ANTXRL: variants seen among roughly 807,000 people sequenced by gnomAD.
The protein encoded by ANTXRL is anthrax toxin receptor-like.
A neutral mutation model predicts 75.4 loss-of-function variants in ANTXRL; 63 were observed. The observed-to-expected ratio is 0.84, with a 90% confidence interval of 0.68 to 1.03. ANTXRL has a LOEUF of 1.03. ANTXRL is among the 50% of genes least tolerant of loss of function. The probability of loss-of-function intolerance (pLI) is 0.00; values close to 1 mark genes in which losing one functional copy is unlikely to be tolerated. For synonymous variants in ANTXRL, 335 were observed against 291.3 expected (o/e 1.15, Z -1.53); for missense variants, 797 against 789.4 (o/e 1.01, Z -0.12).
At chr10:46,322,650 G>A (rs1839036639) in intron 16 of ANTXRL, among the ~76,000 whole-genome samples, 1 of 152,112 alleles carries the variant, frequency 6.6e-6, no homozygotes, top group Non-Finnish European at 1.5e-5. Flanking sequence ...GTGGGATGCA[G>A]AGCTTTTAAT....
chr10:46,316,230 A>G (rs1179570743), intron 16 of ANTXRL, among the ~76,000 whole-genome samples: 2 of 152,090 alleles, frequency 1.3e-5, no homozygotes, highest in Non-Finnish European at 2.9e-5. Flanking sequence ...CCACAGCAGG[A>G]GGCCCTTTAG....
At chr10:46,318,930 G>A (rs1024500821) in intron 16 of ANTXRL, among the ~76,000 whole-genome samples, 3 of 152,146 alleles carry the variant, frequency 2.0e-5, no homozygotes, top group Non-Finnish European at 2.9e-5. Context: ...AAGGGAAAAC[G>A]ACATAGAGAA....
chr10:46,307,154 A>C (rs1389572587), intron 11 of ANTXRL, among the ~76,000 whole-genome samples: 1 of 151,922 alleles, frequency 6.6e-6, no homozygotes, highest in Non-Finnish European at 1.5e-5. Context: ...AAGCCAACAC[A>C]CTCTGTAAAT....
Position 46,302,952 on chromosome 10 carries a change from C to G in ANTXRL, c.895+132C>G, listed in dbSNP as rs559341234. 1.4e-5 allele frequency: 10 copies of G among 716,000 alleles called. No homozygotes were observed. The Admixed American group carries it at 2.2e-4, about 16-fold the overall frequency. 44.4% of individuals were successfully genotyped at this position (716,000 alleles called of 1,614,324 possible). A position where few individuals can be genotyped will look rare whatever the true frequency, so the allele number is the denominator to read the frequency against. Reference sequence around the variant, plus strand: ...CCTGTGGGGTTAGAGGCCATGAGGACAAGTGGAAGGAGGCACTGGGAAGGC... The same window carrying G: ...CCTGTGGGGTTAGAGGCCATGAGGAGAAGTGGAAGGAGGCACTGGGAAGGC... On this transcript the variant is annotated intron_variant, in intron 10 of 16. Coordinates refer to ENST00000620264, the MANE Select transcript of ANTXRL (RefSeq NM_001278688.3).
intron 9 of ANTXRL, among the ~76,000 whole-genome samples, chr10:46,299,204 A>G (rs1554959854): frequency 6.6e-6 from 1 of 152,032 alleles, no homozygotes; most frequent in Non-Finnish European, 1.5e-5. Flanking sequence ...CGGTTATCTC[A>G]GGGGATGAAG....
Position 46,306,816 on chromosome 10 carries a change from C to G in ANTXRL, c.909C>G (p.Thr303=). The G allele has an allele frequency of 6.5e-7, 1 of 1,527,556 alleles. No individual in the cohort carries two copies. Among genetic ancestry groups the G allele is most frequent in the Non-Finnish European group, 8.7e-7 (1 of 1,143,462 alleles). 94.6% of individuals were successfully genotyped at this position (1,527,556 alleles called of 1,614,324 possible). ...ATTTTCTTTTAGATGAAAAGCCAAC[C>G]AGTATCGACAATAATTCCATGAATT... ...NESTIIDEKP[T]SIDNNSMNCP... Residue 303 remains threonine (T), a synonymous_variant, in exon 11 of 17, where the codon ACC becomes ACG. Coordinates refer to ENST00000620264, the MANE Select transcript of ANTXRL (RefSeq NM_001278688.3).
chr10:46,310,247 G>A lies in ANTXRL; in HGVS notation c.1135-214G>A, dbSNP rs1311526685. 9.9e-5 allele frequency among the ~76,000 whole-genome samples: 15 copies of A among 152,080 alleles called. 1 individual carries two copies. Among genetic ancestry groups the A allele is most frequent in the Non-Finnish European group, 1.6e-4 (11 of 67,986 alleles). ...TGACCCCTAGGAACCCCACAGCGGC[G>A]GTACAGGGGTTCCCCTTTGGTAAGG... is the stretch of plus-strand genomic sequence containing the variant. On this transcript the variant is annotated intron_variant, in intron 13 of 16. Coordinates refer to ENST00000620264, the MANE Select transcript of ANTXRL (RefSeq NM_001278688.3).
At chr10:46,302,143 C>A (rs2132729592) in intron 9 of ANTXRL, among the ~76,000 whole-genome samples, 1 of 152,302 alleles carries the variant, frequency 6.6e-6, no homozygotes, top group Non-Finnish European at 1.5e-5. Flanking sequence ...TTCCCTTGAG[C>A]AGGGTCCTAG....
rs1253811462 is a variant in ANTXRL at position 46,329,767 on chromosome 10, C to T, written c.1579C>T (p.Arg527Cys). Reference sequence around the variant, plus strand: ...GGAGTGCCTCGCCCTCAAACAGGCTCGCTGCAGCCCAAACATCTGCCTGAG... The same window carrying T: ...GGAGTGCCTCGCCCTCAAACAGGCTTGCTGCAGCCCAAACATCTGCCTGAG... Reference protein sequence around the residue: ...SRECLALKQARCSPNICLRHS... With the variant: ...SRECLALKQACCSPNICLRHS... The change falls in exon 17 of 17, where the codon CGC (arginine) becomes TGC (cysteine). Residue 527 changes from arginine (R) to cysteine (C), a missense_variant. Arg to Cys is a radical substitution (Grantham distance 180, BLOSUM62 -3). Coordinates refer to ENST00000620264, the MANE Select transcript of ANTXRL (RefSeq NM_001278688.3). 25 of 1,534,016 alleles carry T rather than the reference C, an allele frequency of 1.6e-5. No homozygotes were observed. The highest frequency in any genetic ancestry group is 9.7e-5 in the African/African-American group (7 of 72,054).
chr10:46,293,275 TGTGAGA>T (rs1323655373), intron 2 of ANTXRL, among the ~76,000 whole-genome samples: 1 of 94,500 alleles, frequency 1.1e-5, no homozygotes, highest in Non-Finnish European at 2.4e-5. Context: ...CCTGTGCGTG[TGTGAGA>T]GTGTGTGCGT....
rs1227283854 is a variant in ANTXRL at position 46,293,877 on chromosome 10, T to G, written c.369T>G (p.Thr123=). The G allele has an allele frequency of 6.5e-7, 1 of 1,535,606 alleles. No individual in the cohort carries two copies. Among genetic ancestry groups the G allele is most frequent in the Non-Finnish European group, 8.7e-7 (1 of 1,146,682 alleles). Residue 123 remains threonine (T), a synonymous_variant, in exon 3 of 17, where the codon ACT becomes ACG. Transcript: ENST00000620264. ...CFITYSTDGQ[T]VLPLTSDKNR... ...TCACCTACTCCACAGACGGCCAGAC[T>G]GTCTTGCCACTCACCTCAGACAAGT...
intron 14 of ANTXRL, 93 bp downstream of exon 14, chr10:46,310,592 C>T: frequency 7.5e-7 from 1 of 1,327,354 alleles, no homozygotes. Context: ...CCATGATCTC[C>T]ATCTGCTTGA....
intron 9 of ANTXRL, 91 bp from the exon 10 acceptor site, chr10:46,302,630 GT>G: frequency 1.1e-6 from 1 of 921,544 alleles, no homozygotes; most frequent in Non-Finnish European, 1.7e-6. Context: ...TGTGAATTCG[GT>G]TTTGGGGGTG....
intron 1 of ANTXRL, among the ~76,000 whole-genome samples, chr10:46,288,986 A>G (rs1836869746): frequency 6.6e-6 from 1 of 152,156 alleles, no homozygotes; most frequent in Admixed American, 6.5e-5. Flanking sequence ...ATGACCCACC[A>G]CAGCCTCCAG....
In ANTXRL at chr10:46,310,475, A is replaced by G. The variant is rs1392204226; in HGVS notation, c.1149A>G (p.Pro383=). The change falls in exon 14 of 17, where the codon CCA becomes CCG. Residue 383 remains proline (P), a synonymous_variant. Transcript: ENST00000620264. Reference sequence around the variant, plus strand: ...GAACATTCTAGACTGTCAAGGAGCCACCACCTGTGCAGAAGCCAGAAAAGG... The same window carrying G: ...GAACATTCTAGACTGTCAAGGAGCCGCCACCTGTGCAGAAGCCAGAAAAGG... ...RLCRKQTVKE[P]PPVQKPEKEP... is the part of the protein sequence containing the mutation. 6 of 1,536,228 alleles carry G rather than the reference A, an allele frequency of 3.9e-6. No individual in the cohort carries two copies. The African/African-American group carries it at 6.9e-5, about 18-fold the overall frequency.
chr10:46,293,300 GTGTGTGTGTGCGTGTGTGCCT>G (rs1837111122), intron 2 of ANTXRL, among the ~76,000 whole-genome samples: 1 of 43,722 alleles, frequency 2.3e-5, no homozygotes, highest in Non-Finnish European at 6.4e-5. Context: ...GTGTGTGCCT[GTGTGTGTGTGCGTGTGTGCCT>G]GTGTGTGAGT....
chr10:46,287,620 A>C, intron 1 of ANTXRL, 110 bp downstream of exon 1: 1 of 1,413,008 alleles, frequency 7.1e-7, no homozygotes, highest in Non-Finnish European at 9.3e-7. Flanking sequence ...TCACAGAAGC[A>C]GGGCCAAACT....
intron 16 of ANTXRL, 70 bp from the exon 17 acceptor site, chr10:46,329,529 G>C: frequency 6.7e-7 from 1 of 1,494,208 alleles, no homozygotes; most frequent in East Asian, 2.5e-5. Flanking sequence ...TTTGAGCCAG[G>C]CAACCGCAGC....
In ANTXRL at chr10:46,287,304, C is replaced by CCTGCTG; in HGVS notation, c.54_59dup (p.Leu19_Leu20dup). 1 of 1,535,802 alleles carries CCTGCTG rather than the reference C, an allele frequency of 6.5e-7. No individual in the cohort carries two copies. Among genetic ancestry groups the CCTGCTG allele is most frequent in the Non-Finnish European group, 8.7e-7 (1 of 1,146,674 alleles). On this transcript the variant is annotated inframe_insertion, in exon 1 of 17. Transcript: ENST00000620264. ...CCCTGGGGCCCTACTTCCTGGTCTT[C>CCTGCTG]CTGCTGCTGCTGCTGCTTCCTCCAC...
Sources: allele counts gnomAD v4.1 joint callset (sites outside exome capture counted in the v4.1 genomes callset), GRCh38; gene constraint gnomAD v4.1.1; transcripts MANE v1.5; gene names NCBI Gene and HGNC (gene_info 2026-07-23, HGNC 2026-07-21).